Variants in NDST3 observed in about 807,000 individuals in gnomAD.
NDST3 encodes N-deacetylase and N-sulfotransferase 3.
Under a neutral mutation model 96.1 loss-of-function variants are expected in NDST3, and 58 were observed. The ratio of observed to expected loss-of-function variants is 0.60; its 90% CI spans 0.49 to 0.75. NDST3 has a LOEUF of 0.75. NDST3 is among the 30% of genes least tolerant of loss of function. The probability of loss-of-function intolerance (pLI) is 0.00; values close to 1 mark genes in which losing one functional copy is unlikely to be tolerated. For missense variants in NDST3, 788 were observed against 1,034.2 expected (o/e 0.76, Z 3.27); for synonymous variants, 333 against 359.7 (o/e 0.93, Z 0.84).
intron 6 of NDST3, 119 bp from the exon 7 acceptor site, chr4:118,224,372 C>A: frequency 1.3e-6 from 1 of 754,146 alleles, no homozygotes; most frequent in Non-Finnish European, 2.0e-6. Context: ...CAAAAACACG[C>A]CATCAACTGA....
intron 6 of NDST3, among the ~76,000 whole-genome samples, chr4:118,201,789 A>C (rs1164267954): frequency 6.6e-6 from 1 of 152,006 alleles, no homozygotes; most frequent in Admixed American, 6.5e-5. Flanking sequence ...TTTTAGTTTA[A>C]TTAGATCCTT....
At chr4:118,070,288 G>C (rs1726944982) in intron 2 of NDST3, among the ~76,000 whole-genome samples, 1 of 152,020 alleles carries the variant, frequency 6.6e-6, no homozygotes, top group Admixed American at 6.6e-5. Context: ...TAATTATATG[G>C]TGAAATAGGG....
chr4:118,160,366 G>A (rs1463566087), intron 6 of NDST3, among the ~76,000 whole-genome samples: 1 of 151,588 alleles, frequency 6.6e-6, no homozygotes, highest in African/African-American at 2.4e-5. Flanking sequence ...ACTGTCAACA[G>A]AGTAAATAGA....
intron 6 of NDST3, among the ~76,000 whole-genome samples, chr4:118,169,704 G>A (rs548871460): frequency 6.6e-6 from 1 of 151,526 alleles, no homozygotes; most frequent in South Asian, 2.1e-4. Flanking sequence ...TGAGGCACAA[G>A]AATCGCTTGA....
At chr4:118,205,091 T>C (rs1738347505) in intron 6 of NDST3, among the ~76,000 whole-genome samples, 2 of 144,664 alleles carry the variant, frequency 1.4e-5, no homozygotes, top group South Asian at 4.6e-4. Context: ...AATAATATTG[T>C]TAATGTTATC....
At chr4:118,049,538 A>G (rs929876633) in intron 1 of NDST3, among the ~76,000 whole-genome samples, 5 of 151,900 alleles carry the variant, frequency 3.3e-5, no homozygotes, top group Admixed American at 3.3e-4. Flanking sequence ...AATGACAAAG[A>G]TAACATTACA....
At chr4:118,045,801 A>C (rs1392368237) in intron 1 of NDST3, among the ~76,000 whole-genome samples, 1 of 152,144 alleles carries the variant, frequency 6.6e-6, no homozygotes. Context: ...AGTATTTTTC[A>C]CCTGTGCTTG....
In NDST3 at chr4:118,242,084, A is replaced by G. The variant is rs781303680; in HGVS notation, c.2334A>G (p.Thr778=). Residue 778 remains threonine, a synonymous_variant, in exon 12 of 14, where the codon ACA becomes ACG. Transcript: ENST00000296499. Reference sequence around the variant, plus strand: ...AACAACTAAGAACTGATCCTGCTACAGTGATGGATGAAGTACAGAAGTTTC... The same window carrying G: ...AACAACTAAGAACTGATCCTGCTACGGTGATGGATGAAGTACAGAAGTTTC... ...DGQQLRTDPA[T]VMDEVQKFLG... 3 of 1,613,158 alleles carry G rather than the reference A, an allele frequency of 1.9e-6. No individual in the cohort carries two copies. Among genetic ancestry groups the G allele is most frequent in the East Asian group, 4.5e-5 (2 of 44,816 alleles).
At chr4:118,055,032 C>A in intron 2 of NDST3, 141 bp downstream of exon 2, 1 of 957,516 alleles carries the variant, frequency 1.0e-6, no homozygotes, top group East Asian at 2.5e-5. Flanking sequence ...TATCGCTCAC[C>A]CTAAATCAAC....
intron 4 of NDST3, 76 bp from the exon 5 acceptor site, chr4:118,137,978 C>T (rs1180680843): frequency 5.4e-5 from 66 of 1,214,282 alleles, no homozygotes; most frequent in Non-Finnish European, 7.0e-5. Flanking sequence ...ATTTACAGTA[C>T]ATTTGAAAAT....
In NDST3 at chr4:118,170,877, A is replaced by G. The variant is rs1292104070; in HGVS notation, c.1539+27193A>G. On this transcript the variant is annotated intron_variant, in intron 6 of 13. Transcript: ENST00000296499. The stretch of plus-strand genomic sequence containing the variant: ...CAATTAAATGAAGAGAAAGTAAAAT[A>G]TAAGTCAGATAGCATTATTTTTCTG... 2.6e-5 allele frequency among the ~76,000 whole-genome samples: 4 copies of G among 152,356 alleles called. No homozygotes were observed. In the South Asian group the frequency reaches 8.3e-4, roughly 32 times the overall value.
chr4:118,236,695 T>C (rs1740668915), intron 9 of NDST3, among the ~76,000 whole-genome samples: 1 of 152,248 alleles, frequency 6.6e-6, no homozygotes, highest in Non-Finnish European at 1.5e-5. Flanking sequence ...GATTTTCTTT[T>C]TGAGTACTTG....
At chr4:118,169,611 T>C (rs554036932) in intron 6 of NDST3, among the ~76,000 whole-genome samples, 3 of 151,960 alleles carry the variant, frequency 2.0e-5, no homozygotes, top group Non-Finnish European at 4.4e-5. Flanking sequence ...CTGGCCAACA[T>C]GGCAAAACCC....
chr4:118,247,523 G>C (rs1435091492), intron 12 of NDST3, among the ~76,000 whole-genome samples: 4 of 152,056 alleles, frequency 2.6e-5, no homozygotes, highest in African/African-American at 9.7e-5. Context: ...CTGCAATCCA[G>C]CCTGGGCGAC....
chr4:118,213,354 G>T (rs1448363343), intron 6 of NDST3, among the ~76,000 whole-genome samples: 1 of 152,120 alleles, frequency 6.6e-6, no homozygotes, highest in Non-Finnish European at 1.5e-5. Context: ...TAAGATACTA[G>T]CCTTTAAAAT....
intron 1 of NDST3, among the ~76,000 whole-genome samples, chr4:118,052,077 T>C (rs555565445): frequency 1.3e-5 from 2 of 152,086 alleles, no homozygotes; most frequent in Admixed American, 6.6e-5. Flanking sequence ...AAAAGATGCA[T>C]ACACTTGTAT....
At chr4:118,103,392 C>A (rs1456775385) in intron 2 of NDST3, among the ~76,000 whole-genome samples, 1 of 151,330 alleles carries the variant, frequency 6.6e-6, no homozygotes, top group African/African-American at 2.4e-5. Context: ...TGGGGAACAA[C>A]AGAATTGAGA....
At chr4:118,056,779 A>G (rs1227808124) in intron 2 of NDST3, among the ~76,000 whole-genome samples, 1 of 151,976 alleles carries the variant, frequency 6.6e-6, no homozygotes, top group Admixed American at 6.6e-5. Flanking sequence ...GCTATATCCC[A>G]TTCCAGACAT....
At chr4:118,082,841 G>GGCT (rs1386307132) in intron 2 of NDST3, among the ~76,000 whole-genome samples, 1 of 152,146 alleles carries the variant, frequency 6.6e-6, no homozygotes. Context: ...CAGGAAGCAT[G>GGCT]GCTGGGGAGG....
Sources: gnomAD v4.1 joint callset for allele counts (sites outside exome capture counted in the v4.1 genomes callset) on GRCh38, gnomAD v4.1.1 for gene constraint, MANE v1.5 for transcripts, NCBI Gene and HGNC (gene_info 2026-07-23, HGNC 2026-07-21) for gene names.